The following DSCAM variants were observed in gnomAD, a reference collection of about 807,000 sequenced individuals.
DSCAM encodes DS cell adhesion molecule.
A neutral mutation model predicts 217.7 loss-of-function variants in DSCAM; 47 were observed. The observed-to-expected ratio is 0.22, with a 90% CI of 0.17 to 0.28. The LOEUF is 0.28. Ranked by LOEUF, DSCAM falls within the 10% of genes least tolerant of loss-of-function variation. DSCAM has a pLI of 1.00. For synonymous variants in DSCAM, 1,056 were observed against 1,015.3 expected (o/e 1.04, Z -0.76); for missense variants, 2,080 against 2,618.3 (o/e 0.79, Z 4.49).
chr21:40,017,613 G>A (rs2088183189), intron 32 of DSCAM, among the ~76,000 whole-genome samples: 1 of 151,264 alleles, frequency 6.6e-6, no homozygotes, highest in Non-Finnish European at 1.5e-5. Flanking sequence ...CCAGGCTGGA[G>A]TGCAACTCGG....
chr21:40,328,037 A>G (rs2123548735), intron 8 of DSCAM, among the ~76,000 whole-genome samples: 1 of 152,290 alleles, frequency 6.6e-6, no homozygotes, highest in Non-Finnish European at 1.5e-5. Flanking sequence ...ATGGATGAGA[A>G]GAATTCATGT....
intron 9 of DSCAM, among the ~76,000 whole-genome samples, chr21:40,304,998 C>T (rs1480141767): frequency 6.6e-6 from 1 of 152,134 alleles, no homozygotes; most frequent in Non-Finnish European, 1.5e-5. Flanking sequence ...ACGAAGTGGG[C>T]ACACACTGTT....
intron 1 of DSCAM, among the ~76,000 whole-genome samples, chr21:40,711,982 T>C (rs2090785284): frequency 6.6e-6 from 1 of 152,216 alleles, no homozygotes; most frequent in Non-Finnish European, 1.5e-5. Flanking sequence ...ACCATGTCTT[T>C]CTGAAATGTT....
At chr21:40,026,554 T>TC (rs2088388472) in intron 32 of DSCAM, among the ~76,000 whole-genome samples, 1 of 145,026 alleles carries the variant, frequency 6.9e-6, no homozygotes, top group Admixed American at 7.0e-5. Context: ...ATCTGGGTGC[T>TC]CCTGTATTGG....
At chr21:40,117,870 A>G (rs1335714230) in intron 20 of DSCAM, among the ~76,000 whole-genome samples, 1 of 152,180 alleles carries the variant, frequency 6.6e-6, no homozygotes, top group African/African-American at 2.4e-5. Flanking sequence ...AAAATACAGC[A>G]TTTAAGTTGA....
At chr21:40,379,844 T>C (rs1415917503) in intron 3 of DSCAM, among the ~76,000 whole-genome samples, 1 of 152,206 alleles carries the variant, frequency 6.6e-6, no homozygotes, top group Non-Finnish European at 1.5e-5. Flanking sequence ...TCTCACCATA[T>C]CATTTTATTT....
intron 9 of DSCAM, among the ~76,000 whole-genome samples, chr21:40,310,955 A>G (rs144220448): frequency 9.1e-4 from 139 of 152,002 alleles, no homozygotes; most frequent in African/African-American, 3.2e-3. Context: ...TTTTTTTTTC[A>G]GAAATACAAA....
chr21:40,157,768 G>A (rs538041062), intron 16 of DSCAM, among the ~76,000 whole-genome samples: 4 of 151,330 alleles, frequency 2.6e-5, no homozygotes, highest in Admixed American at 2.6e-4. Flanking sequence ...CATCTCAGCT[G>A]ACTGCAGCCT....
chr21:40,466,165 G>C (rs997589279), intron 3 of DSCAM, among the ~76,000 whole-genome samples: 2 of 152,196 alleles, frequency 1.3e-5, no homozygotes, highest in Admixed American at 1.3e-4. Flanking sequence ...CTGGAGATCA[G>C]AAGCCATCTC....
chr21:40,294,511 C>T (rs1041038259), intron 10 of DSCAM, among the ~76,000 whole-genome samples: 23 of 152,262 alleles, frequency 1.5e-4, no homozygotes, highest in East Asian at 3.9e-4. Context: ...AGAGTAAGAG[C>T]CTTGTATATG....
At chr21:40,709,123 G>A (rs997098893) in intron 1 of DSCAM, among the ~76,000 whole-genome samples, 1 of 152,044 alleles carries the variant, frequency 6.6e-6, no homozygotes, top group Non-Finnish European at 1.5e-5. Context: ...TCTGCCACTA[G>A]AGATAAGCCT....
intron 16 of DSCAM, among the ~76,000 whole-genome samples, chr21:40,160,154 CA>C (rs1266396413): frequency 1.3e-5 from 2 of 152,250 alleles, no homozygotes; most frequent in East Asian, 3.9e-4. Context: ...GAGGAGAATT[CA>C]TCATTAAAAT....
At chr21:40,594,364 C>T (rs1395917839) in intron 3 of DSCAM, among the ~76,000 whole-genome samples, 3 of 152,244 alleles carry the variant, frequency 2.0e-5, no homozygotes, top group East Asian at 3.9e-4. Context: ...ATCACAATAG[C>T]GGACAGGAAC....
intron 3 of DSCAM, among the ~76,000 whole-genome samples, chr21:40,488,856 C>CA (rs1191591434): frequency 6.6e-6 from 1 of 152,114 alleles, no homozygotes; most frequent in Non-Finnish European, 1.5e-5. Flanking sequence ...CAAAAGCCAA[C>CA]AAAAATGAGT....
intron 13 of DSCAM, 27 bp from the exon 14 acceptor site, chr21:40,187,286 G>A: frequency 6.2e-7 from 1 of 1,612,484 alleles, no homozygotes; most frequent in Non-Finnish European, 8.5e-7. Context: ...AAGACTACGA[G>A]TTAGTTCAAA....
intron 3 of DSCAM, among the ~76,000 whole-genome samples, chr21:40,471,563 T>A (rs2075888629): frequency 6.6e-6 from 1 of 152,206 alleles, no homozygotes. Context: ...CAGCTGGCTA[T>A]GATTTTTTTC....
At position 40,449,019 on chromosome 21, in the gene DSCAM, C is replaced by T. The variant is rs1215086373; in HGVS notation, c.509-79774G>A. 2.6e-5 allele frequency among the ~76,000 whole-genome samples: 4 copies of T among 152,210 alleles called. 1 individual carries two copies. In the South Asian group the frequency reaches 8.3e-4, roughly 32 times the overall value. Reference sequence around the variant, plus strand: ...GAAGAGAAAATTATTATTATTATTCCTTTTCCAGCTTTCAGAGGCTGCCGA... The same window carrying T: ...GAAGAGAAAATTATTATTATTATTCTTTTTCCAGCTTTCAGAGGCTGCCGA... On this transcript the variant is annotated intron_variant, in intron 3 of 32. Transcript: ENST00000400454.
At chr21:40,269,349 G>C (rs1385401591) in intron 11 of DSCAM, among the ~76,000 whole-genome samples, 3 of 152,164 alleles carry the variant, frequency 2.0e-5, no homozygotes, top group Non-Finnish European at 4.4e-5. Flanking sequence ...TGCAAATTCT[G>C]GTTGTCTGCC....
intron 3 of DSCAM, among the ~76,000 whole-genome samples, chr21:40,450,425 C>T (rs2075709242): frequency 6.6e-6 from 1 of 152,140 alleles, no homozygotes; most frequent in Non-Finnish European, 1.5e-5. Context: ...TTCACAACTA[C>T]ATGAAACTCA....
Sources: gnomAD v4.1 joint callset for allele counts (sites outside exome capture counted in the v4.1 genomes callset) on GRCh38, gnomAD v4.1.1 for gene constraint, MANE v1.5 for transcripts, NCBI Gene and HGNC (gene_info 2026-07-23, HGNC 2026-07-21) for gene names.